Variants in CDH20 observed in about 807,000 individuals in gnomAD.
The protein encoded by CDH20 is cadherin 20, also known as cadherin-20.
A neutral mutation model predicts 74.2 loss-of-function variants in CDH20; 29 were observed. The observed-to-expected ratio is 0.39, with a 90% CI of 0.29 to 0.53. The LOEUF (loss-of-function observed/expected upper bound fraction) is 0.53. Ranked by LOEUF, CDH20 falls within the 20% of genes least tolerant of loss-of-function variation. CDH20 has a pLI of 0.69. For synonymous variants in CDH20, 469 were observed against 405.4 expected (o/e 1.16, Z -1.88); for missense variants, 988 against 1,048.3 (o/e 0.94, Z 0.79).
chr18:61,528,331 A>T (rs879052990), intron 7 of CDH20, 111 bp downstream of exon 7: 1 of 1,119,340 alleles, frequency 8.9e-7, no homozygotes, highest in Non-Finnish European at 1.3e-6. Flanking sequence ...CCATTTCTGG[A>T]GACTCTCCTC....
chr18:61,513,329 T>A (rs1342354052), intron 6 of CDH20, among the ~76,000 whole-genome samples: 4 of 107,874 alleles, frequency 3.7e-5, no homozygotes, highest in East Asian at 2.5e-4. Context: ...AACCCCTGCC[T>A]TTTTTTGTTT....
At chr18:61,506,850 C>A (rs545159416) in intron 5 of CDH20, among the ~76,000 whole-genome samples, 1 of 152,278 alleles carries the variant, frequency 6.6e-6, no homozygotes, top group South Asian at 2.1e-4. Context: ...GGAGCTTGCT[C>A]TCCACGGCTG....
At chr18:61,484,620 G>T (rs1158906315) in intron 1 of CDH20, among the ~76,000 whole-genome samples, 1 of 152,100 alleles carries the variant, frequency 6.6e-6, no homozygotes, top group African/African-American at 2.4e-5. Context: ...TAGCTAGAGG[G>T]TCAGCATGTA....
chr18:61,449,611 T>C (rs1909315231), intron 1 of CDH20, among the ~76,000 whole-genome samples: 1 of 152,072 alleles, frequency 6.6e-6, no homozygotes, highest in South Asian at 2.1e-4. Flanking sequence ...TGGCTTCCAC[T>C]TACAGAGAAT....
intron 1 of CDH20, among the ~76,000 whole-genome samples, chr18:61,444,189 G>A (rs1028632233): frequency 6.6e-6 from 1 of 152,066 alleles, no homozygotes; most frequent in African/African-American, 2.4e-5. Context: ...CTGCACCATA[G>A]ATTTCAACCT....
chr18:61,435,397 G>C (rs1478600528), intron 1 of CDH20, among the ~76,000 whole-genome samples: 1 of 152,028 alleles, frequency 6.6e-6, no homozygotes, highest in African/African-American at 2.4e-5. Context: ...TCCTCTCCTA[G>C]GTTCTCAGGA....
chr18:61,417,752 G>A (rs1437194620), intron 1 of CDH20, among the ~76,000 whole-genome samples: 1 of 152,082 alleles, frequency 6.6e-6, no homozygotes, highest in African/African-American at 2.4e-5. Flanking sequence ...TAGCAAAATA[G>A]TGTGACTATA....
At chr18:61,426,111 T>C (rs1230624354) in intron 1 of CDH20, among the ~76,000 whole-genome samples, 1 of 152,140 alleles carries the variant, frequency 6.6e-6, no homozygotes, top group Admixed American at 6.5e-5. Context: ...GGTTTTTTAA[T>C]GTTAATTCTT....
chr18:61,517,086 C>A (rs60351014), intron 6 of CDH20, among the ~76,000 whole-genome samples: 10,205 of 152,076 alleles, frequency 0.067, 427 homozygotes, highest in Middle Eastern at 0.11. Flanking sequence ...CTCAATTATA[C>A]CCCCACAAAA....
intron 1 of CDH20, among the ~76,000 whole-genome samples, chr18:61,458,261 T>C (rs1384852091): frequency 6.6e-6 from 1 of 152,236 alleles, no homozygotes; most frequent in Non-Finnish European, 1.5e-5. Context: ...AATAGGGTCT[T>C]CCTTACTGAA....
rs552967415 is a variant in CDH20 at position 61,456,558 on chromosome 18, G to A, written c.-152-33844G>A. On this transcript the variant is annotated intron_variant, in intron 1 of 11. Coordinates refer to ENST00000262717, the MANE Select transcript of CDH20 (RefSeq NM_031891.4). ...ATAACTTTGTAAAAACAAACAAAAA[G>A]TTTGGAGAAAGATGTATTGGGAGCA... 4.3e-4 allele frequency among the ~76,000 whole-genome samples: 65 copies of A among 152,112 alleles called. 1 individual carries two copies. In the East Asian group the frequency reaches 6.6e-3, roughly 15 times the overall value.
intron 1 of CDH20, among the ~76,000 whole-genome samples, chr18:61,380,395 A>C (rs913385557): frequency 2.6e-5 from 4 of 152,224 alleles, no homozygotes; most frequent in Non-Finnish European, 4.4e-5. Flanking sequence ...CACTGGAAAG[A>C]GTGAAGTATA....
chr18:61,407,753 A>G (rs868775390), intron 1 of CDH20, among the ~76,000 whole-genome samples: 7 of 152,250 alleles, frequency 4.6e-5, no homozygotes, highest in Non-Finnish European at 1.0e-4. Context: ...GGAACATTCT[A>G]TCAATGAACT....
intron 1 of CDH20, among the ~76,000 whole-genome samples, chr18:61,388,417 A>C (rs997441940): frequency 3.3e-5 from 5 of 152,138 alleles, no homozygotes; most frequent in Non-Finnish European, 5.9e-5. Flanking sequence ...TTTGGGTTAA[A>C]ACTGATTTCT....
chr18:61,384,232 AAAG>A (rs1337801089), intron 1 of CDH20, among the ~76,000 whole-genome samples: 4 of 152,338 alleles, frequency 2.6e-5, no homozygotes, highest in Admixed American at 1.3e-4. Flanking sequence ...GTTCAATCCA[AAAG>A]AAGATTAAAA....
At position 61,499,422 on chromosome 18, in the gene CDH20, T is replaced by C; in HGVS notation, c.483T>C (p.Asn161=). Residue 161 remains asparagine (N), a synonymous_variant, in exon 3 of 12, where the codon AAT becomes AAC. Transcript: ENST00000262717. ...FIIKIQDIND[N]EPKFLDGPYV... ...TCAAAATTCAAGACATCAATGACAA[T>C]GAGCCCAAGTTCCTGGACGGACCTT... 6.2e-7 allele frequency: 1 copy of C among 1,613,956 alleles called. No individual in the cohort carries two copies. Among genetic ancestry groups the C allele is most frequent in the Non-Finnish European group, 8.5e-7 (1 of 1,179,994 alleles).
chr18:61,544,794 A>C (rs1913174434), intron 9 of CDH20, among the ~76,000 whole-genome samples: 1 of 152,050 alleles, frequency 6.6e-6, no homozygotes, highest in Non-Finnish European at 1.5e-5. Flanking sequence ...TTGGGCCCAA[A>C]AACAGGAGTT....
At chr18:61,338,668 C>G (rs1318281095) in intron 1 of CDH20, among the ~76,000 whole-genome samples, 6 of 152,180 alleles carry the variant, frequency 3.9e-5, no homozygotes, top group African/African-American at 1.4e-4. Flanking sequence ...ATCTCTTCTT[C>G]CTAAGCAATA....
chr18:61,439,179 A>G (rs1055654815), intron 1 of CDH20, among the ~76,000 whole-genome samples: 5 of 152,134 alleles, frequency 3.3e-5, no homozygotes, highest in African/African-American at 1.2e-4. Flanking sequence ...GACGAGATCA[A>G]TTGTACCCCA....
Sources: gnomAD v4.1 joint callset for allele counts (sites outside exome capture counted in the v4.1 genomes callset) on GRCh38, gnomAD v4.1.1 for gene constraint, MANE v1.5 for transcripts, NCBI Gene and HGNC (gene_info 2026-07-23, HGNC 2026-07-21) for gene names.